The following PM20D1 variants were observed in gnomAD, a reference collection of about 807,000 sequenced individuals.
The protein encoded by PM20D1 is N-fatty-acyl-amino acid synthase/hydrolase PM20D1.
PM20D1 carries 53 observed loss-of-function variants against 53.8 expected under a neutral mutation model. That is an observed-to-expected ratio of 0.98 (90% confidence interval 0.79 to 1.24). The LOEUF (loss-of-function observed/expected upper bound fraction) is 1.24. PM20D1 is among the 50% of genes most tolerant of loss of function. The pLI, the probability that PM20D1 is intolerant of heterozygous loss-of-function variation, is 0.00. For synonymous variants in PM20D1, 239 were observed against 241.3 expected, an observed-to-expected ratio of 0.99 and a Z score of 0.09; for missense variants, 564 against 616.8, an observed-to-expected ratio of 0.91 and a Z score of 0.91.
rs1656479775 is a variant in PM20D1, at chr1:205,828,057, G to A, written c.*563C>T. ...CAGATCACTTTATTTGACTGATTAT[G>A]GTGACAATTATGGTAGTATCACAGT... On this transcript the variant is annotated 3_prime_UTR_variant, in exon 13 of 13. Coordinates refer to ENST00000367136, the MANE Select transcript of PM20D1 (RefSeq NM_152491.5). The A allele has an allele frequency of 6.6e-6, 1 of 152,602 alleles. No individual in the cohort carries two copies. Among genetic ancestry groups the A allele is most frequent in the South Asian group, 2.1e-4 (1 of 4,834 alleles). The allele number at this position is 152,602 out of a possible 1,614,324, so 9.5% of individuals were successfully genotyped here.
At chr1:205,844,291 T>TA (rs1244743565) in intron 4 of PM20D1, 74 bp from the exon 5 acceptor site, 11 of 1,458,504 alleles carry the variant, frequency 7.5e-6, no homozygotes, top group Non-Finnish European at 1.0e-5. Context: ...AATGGGGACC[T>TA]ATTCAGCCTA....
chr1:205,841,911 C>T, intron 8 of PM20D1, 22 bp from the exon 9 acceptor site: 1 of 1,549,038 alleles, frequency 6.5e-7, no homozygotes, highest in Non-Finnish European at 8.7e-7. Flanking sequence ...GGACCAAGGT[C>T]AGATGTTAGA....
chr1:205,840,585 G>A (rs528964980), intron 9 of PM20D1, among the ~76,000 whole-genome samples: 3 of 152,350 alleles, frequency 2.0e-5, no homozygotes, highest in Non-Finnish European at 4.4e-5. Flanking sequence ...TTCAGAGCAA[G>A]GCTGCTTTCT....
At chr1:205,840,125 C>T in intron 10 of PM20D1, 127 bp downstream of exon 10, 1 of 726,110 alleles carries the variant, frequency 1.4e-6, no homozygotes, top group Non-Finnish European at 2.1e-6. Flanking sequence ...CATAGGTTGT[C>T]TTTGAAAAAT....
At chr1:205,845,666 A>G (rs184465533) in intron 2 of PM20D1, 109 bp from the exon 3 acceptor site, 1 of 888,920 alleles carries the variant, frequency 1.1e-6, no homozygotes, top group African/African-American at 1.7e-5. Context: ...TTAAACATGC[A>G]TCCTCCTTTA....
chr1:205,828,418 G>T lies in PM20D1; in HGVS notation c.*202C>A. On this transcript the variant is annotated 3_prime_UTR_variant, in exon 13 of 13. Transcript: ENST00000367136. ...TGCCAGTGGATCAAGGGATGCAGAT[G>T]TCGGGAGGAAGGGAGAAGCCAGATT... The T allele has an allele frequency of 1.6e-6, 1 of 612,944 alleles. No individual in the cohort carries two copies. The highest frequency in any genetic ancestry group is 2.2e-5 in the South Asian group (1 of 45,578). 38.0% of individuals were successfully genotyped at this position (612,944 alleles called of 1,614,324 possible). A position where few individuals can be genotyped will look rare whatever the true frequency, so the allele number is the denominator to read the frequency against.
intron 10 of PM20D1, among the ~76,000 whole-genome samples, chr1:205,836,873 C>T (rs1656697540): frequency 6.6e-6 from 1 of 152,186 alleles, no homozygotes; most frequent in Non-Finnish European, 1.5e-5. Context: ...ATCATAAACA[C>T]TCAGCAGAAT....
At position 205,844,161 on chromosome 1, in the gene PM20D1, C is replaced by A. The variant is rs994297204; in HGVS notation, c.633G>T (p.Gln211His). The A allele has an allele frequency of 1.9e-6, 3 of 1,614,034 alleles. No homozygotes were observed. Among genetic ancestry groups the A allele is most frequent in the South Asian group, 2.2e-5 (2 of 91,056 alleles). Residue 211 changes from glutamine (Q) to histidine (H), a missense_variant, in exon 5 of 13, where the codon CAG becomes CAT. Transcript: ENST00000367136. ...ISALLQSRGV[Q>H]LAFIVDEGGF... ...CCCCCTCGTCCACAATGAAGGCTAG[C>A]TGGACGCCCCTTGACTGTAGCAGGG...
At position 205,832,742 on chromosome 1, in the gene PM20D1, C is replaced by T. The variant is rs1245324840; in HGVS notation, c.1141G>A (p.Val381Met). The change falls in exon 11 of 13, where the codon GTG (valine) becomes ATG (methionine). Residue 381 changes from valine to methionine, a missense_variant. Coordinates refer to ENST00000367136, the MANE Select transcript of PM20D1 (RefSeq NM_152491.5). ...TGGAACTGGACTCTGTTATCAGCCA[C>T]AATGTTCTTCGTGAGTTCTAGGACC... is the stretch of plus-strand genomic sequence containing the variant. ...QEVLELTKNI[V>M]ADNRVQFHVL... is the part of the protein sequence containing the mutation. 1.9e-6 allele frequency: 3 copies of T among 1,606,938 alleles called. No individual in the cohort carries two copies. The highest frequency in any genetic ancestry group is 1.7e-5 in the Admixed American group (1 of 58,782).
chr1:205,841,027 C>T (rs774893765), intron 9 of PM20D1, among the ~76,000 whole-genome samples: 1 of 152,166 alleles, frequency 6.6e-6, no homozygotes, highest in Admixed American at 6.5e-5. Flanking sequence ...AGCTGGTTCC[C>T]TCTTATCCTT....
chr1:205,844,943 G>A (rs1558094425), intron 3 of PM20D1, 46 bp from the exon 4 acceptor site: 2 of 1,532,132 alleles, frequency 1.3e-6, no homozygotes, highest in South Asian at 1.1e-5. Context: ...CGTTATTTAG[G>A]TGGGAATACC....
intron 2 of PM20D1, 108 bp downstream of exon 2, chr1:205,847,777 A>G: frequency 3.9e-6 from 3 of 775,010 alleles, no homozygotes; most frequent in Non-Finnish European, 6.6e-6. Flanking sequence ...TGGGAATTAG[A>G]TTGTCCTCTG....
rs559266452 is a variant in PM20D1, at chr1:205,844,405, A to G, written c.577-188T>C. Among the ~76,000 whole-genome samples the G allele has an allele frequency of 3.3e-5, 5 of 152,270 alleles. No homozygotes were observed. In the East Asian group the frequency reaches 9.7e-4, roughly 29 times the overall value. ...TGGAATGTCAGAGCTGGCAGGCCTC[A>G]CCCTCCCTTATTTCACAAATGAAGA... On this transcript the variant is annotated intron_variant, in intron 4 of 12. Coordinates refer to ENST00000367136, the MANE Select transcript of PM20D1 (RefSeq NM_152491.5).
chr1:205,833,973 G>A (rs61822637), intron 10 of PM20D1, among the ~76,000 whole-genome samples: 34 of 140,662 alleles, frequency 2.4e-4, no homozygotes, highest in Middle Eastern at 9.5e-3. Flanking sequence ...TCAGCCTCCC[G>A]AGTAGCTGGG....
At chr1:205,847,755 C>T in intron 2 of PM20D1, 130 bp downstream of exon 2, 1 of 730,964 alleles carries the variant, frequency 1.4e-6, no homozygotes, top group Non-Finnish European at 2.4e-6. Flanking sequence ...TCTACAGTCT[C>T]TACTCTGCCT....
intron 3 of PM20D1, 92 bp from the exon 4 acceptor site, chr1:205,844,989 G>C: frequency 9.2e-7 from 1 of 1,092,070 alleles, no homozygotes; most frequent in Non-Finnish European, 1.4e-6. Flanking sequence ...TGTTATCAGG[G>C]CTGGTGGGAT....
At position 205,840,336 on chromosome 1, in the gene PM20D1, G is replaced by A. The variant is rs1656778803; in HGVS notation, c.1045-13C>T. On this transcript the variant is annotated splice_polypyrimidine_tract_variant and intron_variant, in intron 9 of 12. Transcript: ENST00000367136. ...GGATGACATTGAACTAGAGAGAGAA[G>A]CACAAAACCCTGGCTTGAGTCAACC... 1.2e-6 allele frequency: 2 copies of A among 1,611,254 alleles called. No homozygotes were observed. Among genetic ancestry groups the A allele is most frequent in the Admixed American group, 1.7e-5 (1 of 59,716 alleles).
chr1:205,842,448 G>A (rs754937436), intron 7 of PM20D1, among the ~76,000 whole-genome samples: 6 of 152,202 alleles, frequency 3.9e-5, no homozygotes, highest in Non-Finnish European at 8.8e-5. Flanking sequence ...AAGGATAAGT[G>A]GGAACCAGCT....
At position 205,841,804 on chromosome 1, in the gene PM20D1, A is replaced by T. The variant is rs1040701410; in HGVS notation, c.1044+7T>A. ...AAAGCTATATGGGGAGGAACCAGGG[A>T]TGTTACCTTGACCCCTGCTTTGAAT... is the stretch of plus-strand genomic sequence containing the variant. On this transcript the variant is annotated splice_region_variant and intron_variant, in intron 9 of 12. Coordinates refer to ENST00000367136, the MANE Select transcript of PM20D1 (RefSeq NM_152491.5). The T allele has an allele frequency of 6.4e-7, 1 of 1,560,902 alleles. No homozygotes were observed. Among genetic ancestry groups the T allele is most frequent in the Non-Finnish European group, 8.7e-7 (1 of 1,150,108 alleles).
Sources: gnomAD v4.1 joint callset for allele counts (sites outside exome capture counted in the v4.1 genomes callset) on GRCh38, gnomAD v4.1.1 for gene constraint, MANE v1.5 for transcripts, NCBI Gene and HGNC (gene_info 2026-07-23, HGNC 2026-07-21) for gene names.